The following SLC4A3 variants were observed in gnomAD, a reference collection of about 807,000 sequenced individuals.
SLC4A3 encodes anion exchange protein 3.
Under a neutral mutation model 114.2 loss-of-function variants are expected in SLC4A3, and 47 were observed. The ratio of observed to expected loss-of-function variants is 0.41; its 90% CI spans 0.33 to 0.52. The LOEUF is 0.52. Among genes scored for constraint, SLC4A3 ranks in the 20% least tolerant of loss-of-function variants. SLC4A3 has a pLI of 0.21. For synonymous variants in SLC4A3, 693 were observed against 710.3 expected (o/e 0.98, Z 0.39); for missense variants, 1,312 against 1,668.3 (o/e 0.79, Z 3.72).
At position 219,631,951 on chromosome 2, in the gene SLC4A3, G is replaced by T. The variant is rs1381252860; in HGVS notation, c.812-17G>T. On this transcript the variant is annotated splice_polypyrimidine_tract_variant and intron_variant, in intron 6 of 22. Transcript: ENST00000358055. This position sits in a 1 kb window ranked among gnomAD's most constrained non-coding sequence, Gnocchi z 6.3. ...CCAGCTGGACCTGTGGGACCCCCAA[G>T]CCCATCTTCTCTGCAGGTCACCGAC... 2 of 1,577,592 alleles carry T rather than the reference G, an allele frequency of 1.3e-6. No homozygotes were observed. The highest frequency in any genetic ancestry group is 2.7e-5 in the African/African-American group (2 of 73,280).
In SLC4A3 at chr2:219,632,262, G is replaced by T; in HGVS notation, c.961G>T (p.Val321Leu). 6.2e-7 allele frequency: 1 copy of T among 1,613,970 alleles called. No homozygotes were observed. Among genetic ancestry groups the T allele is most frequent in the Non-Finnish European group, 8.5e-7 (1 of 1,180,012 alleles). Residue 321 changes from valine to leucine, a missense_variant and splice_region_variant, in exon 8 of 23, where the codon GTG becomes TTG. Transcript: ENST00000358055. ...KKKLDRRPHE[V>L]FVELNELMLD... ...CCCTCACCTTTGGCACGCCCCCCAG[G>T]TGTTCGTGGAGCTGAACGAGCTGAT... is the stretch of plus-strand genomic sequence containing the variant.
In SLC4A3 at chr2:219,631,248, C is replaced by G; in HGVS notation, c.812-720C>G. ...CTCGGCCACCGGGAGAATGACGAGC[C>G]CACTGGAGAAGGACCCTGAGCCCAA... is the stretch of plus-strand genomic sequence containing the variant. On this transcript the variant is annotated intron_variant, in intron 6 of 22. Coordinates refer to ENST00000358055, the MANE Select transcript of SLC4A3 (RefSeq NM_005070.4). The surrounding 1 kb of genome is among the most constrained non-coding windows in gnomAD (Gnocchi z 6.3). 7.9e-7 allele frequency: 1 copy of G among 1,266,752 alleles called. No homozygotes were observed. The highest frequency in any genetic ancestry group is 5.8e-5 in the East Asian group (1 of 17,360). 78.5% of individuals were successfully genotyped at this position (1,266,752 alleles called of 1,614,324 possible).
rs1008179124 is a variant in SLC4A3, at chr2:219,641,292, G to C, written c.3621+330G>C. ...GGCTGAGAGGCTACAGGGTTGATGT[G>C]GCACTGGTGTCCACCCTGAGCCCTG... On this transcript the variant is annotated intron_variant, in intron 22 of 22. Coordinates refer to ENST00000358055, the MANE Select transcript of SLC4A3 (RefSeq NM_005070.4). The surrounding 1 kb of genome is among the most constrained non-coding windows in gnomAD (Gnocchi z 4.0). 6.6e-6 allele frequency among the ~76,000 whole-genome samples: 1 copy of C among 152,138 alleles called. No individual in the cohort carries two copies.
intron 11 of SLC4A3, 148 bp from the exon 12 acceptor site, chr2:219,634,272 C>T (rs913100163): frequency 1.3e-6 from 1 of 766,746 alleles, no homozygotes; most frequent in Non-Finnish European, 2.1e-6. Flanking sequence ...TGTGTAGACA[C>T]ATAAGCGAAT....
At position 219,630,202 on chromosome 2, in the gene SLC4A3, C is replaced by T. The variant is rs767760104; in HGVS notation, c.661C>T (p.Arg221Trp). 71 of 1,612,862 alleles carry T rather than the reference C, an allele frequency of 4.4e-5. 1 individual carries two copies. Among genetic ancestry groups the T allele is most frequent in the East Asian group, 3.6e-4 (16 of 44,834 alleles). Residue 221 changes from arginine to tryptophan, a missense_variant, in exon 6 of 23, where the codon CGG (arginine) becomes TGG (tryptophan). Arg to Trp is a moderately radical substitution (Grantham distance 101). Around this residue, in one of 4 missense-constraint regions of SLC4A3, gnomAD observed 771 missense variants for 977.7 expected, o/e 0.79. Transcript: ENST00000358055. This position sits in a 1 kb window ranked among gnomAD's most constrained non-coding sequence, Gnocchi z 6.9. ...CTCCCGACTCGCTGGGGAGAAAAGC[C>T]GGCCCTGGAGCCCATCGGCCAGTTA... ...RASRLAGEKS[R>W]PWSPSASYDL...
In SLC4A3 at chr2:219,634,289, C is replaced by T. The variant is rs1400248653; in HGVS notation, c.1562-131C>T. On this transcript the variant is annotated intron_variant, in intron 11 of 22. Transcript: ENST00000358055. ...TGTAGACACATAAGCGAATAGTGCC[C>T]TTTTAGACTGGGGTTTCTTTGCGCA... is the stretch of plus-strand genomic sequence containing the variant. 47 of 880,636 alleles carry T rather than the reference C, an allele frequency of 5.3e-5. 1 individual carries two copies. In the East Asian group the frequency reaches 1.1e-3, roughly 21 times the overall value. The allele number at this position is 880,636 out of a possible 1,614,324, so 54.6% of individuals were successfully genotyped here.
Position 219,628,859 on chromosome 2 carries a change from T to A in SLC4A3, c.218-285T>A, listed in dbSNP as rs1698815252. On this transcript the variant is annotated intron_variant, in intron 3 of 22. Transcript: ENST00000358055. The surrounding 1 kb of genome is among the most constrained non-coding windows in gnomAD (Gnocchi z 4.8). ...CCCTTCGTCCCCACTCACTCCCTCC[T>A]TGTCCCACCTCGGCTAGTCCAACTC... The A allele has an allele frequency of 1.7e-6, 1 of 580,810 alleles. No individual in the cohort carries two copies. Among genetic ancestry groups the A allele is most frequent in the Non-Finnish European group, 3.0e-6 (1 of 332,610 alleles). The allele number at this position is 580,810 out of a possible 1,614,324, so 36.0% of individuals were successfully genotyped here. A position where few individuals can be genotyped will look rare whatever the true frequency, so the allele number is the denominator to read the frequency against.
At position 219,638,643 on chromosome 2, in the gene SLC4A3, T is replaced by C. The variant is rs1409778013; in HGVS notation, c.2857-60T>C. 6.4e-7 allele frequency: 1 copy of C among 1,572,244 alleles called. No individual in the cohort carries two copies. Among genetic ancestry groups the C allele is most frequent in the Non-Finnish European group, 8.7e-7 (1 of 1,153,942 alleles). The stretch of plus-strand genomic sequence containing the variant: ...CTGGGGACGCAGCTTAGTGGGCTGC[T>C]TGGTGGGCTTTCTAGCATGGGGAGG... On this transcript the variant is annotated intron_variant, in intron 18 of 22. Transcript: ENST00000358055. This position sits in a 1 kb window ranked among gnomAD's most constrained non-coding sequence, Gnocchi z 7.5.
Position 219,641,135 on chromosome 2 carries a change from C to T in SLC4A3, c.3621+173C>T, listed in dbSNP as rs371717857. On this transcript the variant is annotated intron_variant, in intron 22 of 22. Transcript: ENST00000358055. The surrounding 1 kb of genome is among the most constrained non-coding windows in gnomAD (Gnocchi z 4.0). Reference sequence around the variant, plus strand: ...CCTGTATAATAGGGGTGATCATAGACCCTACCTTATAGGACTGTTGGGAGG... The same window carrying T: ...CCTGTATAATAGGGGTGATCATAGATCCTACCTTATAGGACTGTTGGGAGG... Among the ~76,000 whole-genome samples the T allele has an allele frequency of 6.6e-6, 1 of 152,156 alleles. No homozygotes were observed. Among genetic ancestry groups the T allele is most frequent in the African/African-American group, 2.4e-5 (1 of 41,432 alleles).
intron 4 of SLC4A3, 30 bp from the exon 5 acceptor site, chr2:219,629,550 A>G (rs775065453): frequency 5.0e-6 from 8 of 1,589,540 alleles, no homozygotes; most frequent in Non-Finnish European, 6.0e-6. Flanking sequence ...AGGTCGGGGC[A>G]AGGCCCCAGG....
chr2:219,638,681 A>T lies in SLC4A3; in HGVS notation c.2857-22A>T. On this transcript the variant is annotated intron_variant, in intron 18 of 22. Transcript: ENST00000358055. This position sits in a 1 kb window ranked among gnomAD's most constrained non-coding sequence, Gnocchi z 7.5. The stretch of plus-strand genomic sequence containing the variant: ...TAGCATGGGGAGGCTGTGTCCCTGA[A>T]CCCTGTTTTCCTGCCATGCAGAAGC... The T allele has an allele frequency of 6.2e-7, 1 of 1,611,768 alleles. No homozygotes were observed. Among genetic ancestry groups the T allele is most frequent in the Non-Finnish European group, 8.5e-7 (1 of 1,179,110 alleles).
chr2:219,628,355 G>T lies in SLC4A3; in HGVS notation c.52-50G>T. The T allele has an allele frequency of 5.2e-6, 8 of 1,531,196 alleles. No individual in the cohort carries two copies. The South Asian group carries it at 7.5e-5, about 14-fold the overall frequency. 94.9% of individuals were successfully genotyped at this position (1,531,196 alleles called of 1,614,324 possible). On this transcript the variant is annotated intron_variant, in intron 2 of 22. Transcript: ENST00000358055. The surrounding 1 kb of genome is among the most constrained non-coding windows in gnomAD (Gnocchi z 4.8). ...TAGGGCTTGGAGTTGGGGTGGGTGTGGGGCCTTCATGGGTCAGGGGTCCTT... is the reference window on the plus strand; with the variant it reads ...TAGGGCTTGGAGTTGGGGTGGGTGTTGGGCCTTCATGGGTCAGGGGTCCTT...
At chr2:219,633,564 C>A in intron 10 of SLC4A3, 107 bp downstream of exon 10, 1 of 1,080,780 alleles carries the variant, frequency 9.3e-7, no homozygotes, top group Non-Finnish European at 1.3e-6. Context: ...GGATTGCTGG[C>A]ATCATGCTGG....
In SLC4A3 at chr2:219,639,351, A is replaced by G. The variant is rs1489016167; in HGVS notation, c.3024-131A>G. On this transcript the variant is annotated intron_variant, in intron 19 of 22. Coordinates refer to ENST00000358055, the MANE Select transcript of SLC4A3 (RefSeq NM_005070.4). The surrounding 1 kb of genome is among the most constrained non-coding windows in gnomAD (Gnocchi z 5.9). ...TTCAATTTGGGAACTTGAAAGAAGA[A>G]GCTGGCAGTCCTAGGGAGAACTGTT... is the stretch of plus-strand genomic sequence containing the variant. 2 of 1,086,452 alleles carry G rather than the reference A, an allele frequency of 1.8e-6. No individual in the cohort carries two copies. Among genetic ancestry groups the G allele is most frequent in the Non-Finnish European group, 2.6e-6 (2 of 755,824 alleles). 67.3% of individuals were successfully genotyped at this position (1,086,452 alleles called of 1,614,324 possible).
At chr2:219,627,867 C>G (rs1698770195) in intron 1 of SLC4A3, 33 bp from the exon 2 acceptor site, 1 of 732,526 alleles carries the variant, frequency 1.4e-6, no homozygotes, top group Non-Finnish European at 2.2e-6. Flanking sequence ...GGGGCGCCAG[C>G]GCAAGGAACC....
At position 219,640,976 on chromosome 2, in the gene SLC4A3, G is replaced by C. The variant is rs1411204151; in HGVS notation, c.3621+14G>C. Reference sequence around the variant, plus strand: ...GAGCTGCAGGCGGTAAGGGGGTGGTGGTCTGGGGAAACAGTGTTAGGGCAA... The same window carrying C: ...GAGCTGCAGGCGGTAAGGGGGTGGTCGTCTGGGGAAACAGTGTTAGGGCAA... On this transcript the variant is annotated intron_variant, in intron 22 of 22. Coordinates refer to ENST00000358055, the MANE Select transcript of SLC4A3 (RefSeq NM_005070.4). 6.2e-7 allele frequency: 1 copy of C among 1,601,432 alleles called. No homozygotes were observed. The highest frequency in any genetic ancestry group is 8.5e-7 in the Non-Finnish European group (1 of 1,179,416).
chr2:219,633,514 C>T (rs1699011458), intron 10 of SLC4A3, 57 bp downstream of exon 10: 28 of 1,409,712 alleles, frequency 2.0e-5, no homozygotes, highest in Admixed American at 2.7e-5. Context: ...CAGTTTCAGT[C>T]GAGGTCATCG....
rs530465045 is a variant in SLC4A3, at chr2:219,634,500, G to A, written c.1642G>A (p.Val548Ile). 211 of 1,614,186 alleles carry A rather than the reference G, an allele frequency of 1.3e-4. 2 individuals are homozygous for A. The South Asian group carries it at 1.8e-3, about 14-fold the overall frequency. Residue 548 changes from valine (V) to isoleucine (I), a missense_variant, in exon 12 of 23, where the codon GTC becomes ATC. By Grantham distance (29) the Val-to-Ile change is conservative. Transcript: ENST00000358055. ...TGTACTCCTGGAGTCTGTGCTTGAGGTCCCTGTCCCGGTCCGCTTCCTCTT... is the reference window on the plus strand; with the variant it reads ...TGTACTCCTGGAGTCTGTGCTTGAGATCCCTGTCCCGGTCCGCTTCCTCTT... ...EAVLLESVLE[V>I]PVPVRFLFVM...
intron 3 of SLC4A3, 33 bp from the exon 4 acceptor site, chr2:219,629,111 T>C (rs898310681): frequency 6.5e-7 from 1 of 1,539,800 alleles, no homozygotes; most frequent in African/African-American, 1.4e-5. Flanking sequence ...GTTTCTGCTG[T>C]GGGGGCCTCA....
Sources: gnomAD v4.1 joint callset for allele counts (sites outside exome capture counted in the v4.1 genomes callset) on GRCh38, gnomAD v4.1.1 for gene constraint, gnomAD v4.1.1 regional missense constraint, Gnocchi (gnomAD v3.1) non-coding constraint, MANE v1.5 for transcripts, NCBI Gene and HGNC (gene_info 2026-07-23, HGNC 2026-07-21) for gene names.